RP1: variants seen among roughly 807,000 people sequenced by gnomAD.
The protein encoded by RP1 is oxygen-regulated protein 1.
A neutral mutation model predicts 14.8 loss-of-function variants in RP1; 16 were observed. That is an observed-to-expected ratio of 1.08 (90% CI 0.73 to 1.65). The LOEUF (loss-of-function observed/expected upper bound fraction) is 1.65. RP1 is among the 40% of genes most tolerant of loss of function. The pLI is 0.00. For synonymous variants in RP1, 876 were observed against 883.6 expected, an observed-to-expected ratio of 0.99 and a Z score of 0.15; for missense variants, 2,631 against 2,535.0, an observed-to-expected ratio of 1.04 and a Z score of -0.81.
intron 1 of RP1, among the ~76,000 whole-genome samples, chr8:54,582,132 T>C (rs1040754642): frequency 6.6e-6 from 1 of 152,238 alleles, no homozygotes; most frequent in Non-Finnish European, 1.5e-5. Context: ...TTTTATGGTT[T>C]TAGGTCTAAC....
At chr8:54,665,737 C>T (rs1251870193) in intron 7 of RP1, among the ~76,000 whole-genome samples, 2 of 152,118 alleles carry the variant, frequency 1.3e-5, no homozygotes, top group Middle Eastern at 3.2e-3. Flanking sequence ...TGTTCTATCT[C>T]TGGAATGAAC....
chr8:54,738,812 T>C, intron 18 of RP1: 1 of 532,588 alleles, frequency 1.9e-6, no homozygotes, highest in Non-Finnish European at 3.3e-6. Flanking sequence ...ATTTCTAGAC[T>C]CTGAAAGAGT....
At chr8:54,584,184 G>C (rs1263217407) in intron 1 of RP1, among the ~76,000 whole-genome samples, 3 of 152,182 alleles carry the variant, frequency 2.0e-5, no homozygotes, top group Non-Finnish European at 4.4e-5. Context: ...GTGTCCCAGA[G>C]ATTCTGGTAT....
rs966048908 is a variant in RP1 at position 54,691,098 on chromosome 8, A to G, written c.1718-8369A>G. Among the ~76,000 whole-genome samples the G allele has an allele frequency of 3.9e-5, 6 of 152,196 alleles. 1 individual carries two copies. The highest frequency in any genetic ancestry group is 6.6e-5 in the Admixed American group (1 of 15,240). On this transcript the variant is annotated intron_variant, in intron 12 of 22. Transcript: ENST00000636932. ...ATAGCCACGAATGGATTTGAAGTAGAGTAGAAACACTTTGGCAGCTAAGTG... is the reference window on the plus strand; with the variant it reads ...ATAGCCACGAATGGATTTGAAGTAGGGTAGAAACACTTTGGCAGCTAAGTG...
rs1009739791 is a variant in RP1 at position 54,806,301 on chromosome 8, G to A, written c.3615+22591G>A. Among the ~76,000 whole-genome samples, 42 of 152,066 alleles carry A rather than the reference G, an allele frequency of 2.8e-4. 1 individual carries two copies. The highest frequency in any genetic ancestry group is 2.6e-3 in the Admixed American group (40 of 15,272). On this transcript the variant is annotated intron_variant, in intron 24 of 28. Transcript: ENST00000637698. ...CAAAGTGCTGGGATTACAAGCGTGAGCCATTGTGTCTGGCCGGGTTTTTTT... is the reference window on the plus strand; with the variant it reads ...CAAAGTGCTGGGATTACAAGCGTGAACCATTGTGTCTGGCCGGGTTTTTTT...
At chr8:54,645,694 A>G (rs1001192114) in intron 3 of RP1, among the ~76,000 whole-genome samples, 2 of 152,184 alleles carry the variant, frequency 1.3e-5, no homozygotes, top group Non-Finnish European at 2.9e-5. Context: ...CCAGAGTAAT[A>G]TGCTTCTCAT....
intron 6 of RP1, among the ~76,000 whole-genome samples, chr8:54,662,598 A>C (rs1806926074): frequency 6.6e-6 from 1 of 152,176 alleles, no homozygotes; most frequent in Admixed American, 6.5e-5. Flanking sequence ...GCATCTTCTC[A>C]TCTTTATATT....
chr8:54,646,884 A>G (rs1806562027), intron 3 of RP1, among the ~76,000 whole-genome samples: 1 of 152,188 alleles, frequency 6.6e-6, no homozygotes, highest in Admixed American at 6.5e-5. Flanking sequence ...TTATTCAAAC[A>G]AGAACTAACA....
chr8:54,844,179 A>T (rs1322132117), intron 25 of RP1, among the ~76,000 whole-genome samples: 1 of 152,184 alleles, frequency 6.6e-6, no homozygotes, highest in Non-Finnish European at 1.5e-5. Flanking sequence ...AGGATGATTT[A>T]CCAGCTGGAC....
intron 27 of RP1, among the ~76,000 whole-genome samples, chr8:54,858,259 C>A: frequency 6.6e-6 from 1 of 152,170 alleles, no homozygotes; most frequent in Admixed American, 6.5e-5. Context: ...CATAGTTCAA[C>A]GAGTTCAGGA....
chr8:54,865,396 AT>A (rs1346700739), intron 27 of RP1, among the ~76,000 whole-genome samples: 1 of 137,806 alleles, frequency 7.3e-6, no homozygotes, highest in Non-Finnish European at 1.6e-5. Context: ...CCTTACTTTC[AT>A]TTTTTCTTTC....
chr8:54,567,058 A>T (rs1001912205), intron 1 of RP1, among the ~76,000 whole-genome samples: 1 of 152,166 alleles, frequency 6.6e-6, no homozygotes, highest in Admixed American at 6.5e-5. Flanking sequence ...TTCTGGGCTC[A>T]CCCTGAACCC....
At chr8:54,770,203 C>CT (rs1449914920), downstream of RP1, 6 of 400,764 alleles carry the variant, frequency 1.5e-5, no homozygotes, top group Non-Finnish European at 2.2e-5. Flanking sequence ...TTTTAATCAT[C>CT]TGAAATAATC....
chr8:54,587,442 AAG>A (rs929946382), intron 1 of RP1, among the ~76,000 whole-genome samples: 3 of 151,316 alleles, frequency 2.0e-5, no homozygotes, highest in Non-Finnish European at 4.4e-5. Flanking sequence ...AAAAAAAAAA[AAG>A]AGAGAGAGAG....
At chr8:54,708,638 C>T (rs373340576) in intron 15 of RP1, among the ~76,000 whole-genome samples, 17 of 151,936 alleles carry the variant, frequency 1.1e-4, no homozygotes, top group South Asian at 2.1e-4. Flanking sequence ...GGATTACAGG[C>T]GTGAGCCACT....
At chr8:54,783,825 T>G in intron 24 of RP1, 1 of 648,092 alleles carries the variant, frequency 1.5e-6, no homozygotes, top group Non-Finnish European at 2.2e-6. Flanking sequence ...TGCATTAAAT[T>G]TGCTTGGTGT....
At chr8:54,840,257 T>C (rs1811759488) in intron 25 of RP1, among the ~76,000 whole-genome samples, 1 of 152,092 alleles carries the variant, frequency 6.6e-6, no homozygotes, top group Non-Finnish European at 1.5e-5. Context: ...GGCTGCATTA[T>C]TATTATTATT....
intron 25 of RP1, among the ~76,000 whole-genome samples, chr8:54,840,752 C>A (rs369066096): frequency 6.6e-6 from 1 of 151,918 alleles, no homozygotes; most frequent in African/African-American, 2.4e-5. Context: ...TCTGTTCATC[C>A]TTTCTCCAGA....
At chr8:54,693,171 G>A (rs1473940877) in intron 12 of RP1, among the ~76,000 whole-genome samples, 5 of 152,056 alleles carry the variant, frequency 3.3e-5, no homozygotes, top group Admixed American at 6.6e-5. Context: ...TGTTCCATTG[G>A]TCTATATCTC....
Sources: allele counts gnomAD v4.1 joint callset (sites outside exome capture counted in the v4.1 genomes callset), GRCh38; gene constraint gnomAD v4.1.1; transcripts MANE v1.5; gene names NCBI Gene and HGNC (gene_info 2026-07-23, HGNC 2026-07-21).